Variants in AHNAK observed in about 807,000 individuals in gnomAD.
AHNAK encodes AHNAK nucleoprotein.
Under a neutral mutation model 37.8 loss-of-function variants are expected in AHNAK, and 23 were observed. The observed-to-expected ratio is 0.61, with a 90% confidence interval of 0.44 to 0.86. AHNAK has a LOEUF of 0.86. AHNAK is among the 40% of genes least tolerant of loss of function. The pLI is 0.00. For missense variants in AHNAK, 7,411 were observed against 7,319.4 expected (o/e 1.01, Z -0.46); for synonymous variants, 2,481 against 2,636.3 (o/e 0.94, Z 1.80).
At position 62,529,108 on chromosome 11, in the gene AHNAK, T is replaced by C. The variant is rs534784069; in HGVS notation, c.5309A>G (p.Lys1770Arg). Residue 1770 changes from lysine to arginine, a missense_variant, in exon 5 of 5, where the codon AAG becomes AGG. Physicochemically the swap from Lys to Arg is conservative, Grantham distance 26. Coordinates refer to ENST00000378024, the MANE Select transcript of AHNAK (RefSeq NM_001620.3). ...AGCTTTTATATTCAACTTGGGCATC[T>C]TAAATTTGGAGCCTTTCAACTTTCC... Reference protein sequence around the residue: ...PEGKLKGSKFKMPKLNIKAPK... With the variant: ...PEGKLKGSKFRMPKLNIKAPK... 2.0e-5 allele frequency: 32 copies of C among 1,614,120 alleles called. 1 individual carries two copies. The highest frequency in any genetic ancestry group is 3.3e-4 in the Middle Eastern group (2 of 6,062).
At chr11:62,433,793 G>T in exon 6 of AHNAK, 1 of 1,567,362 alleles carries the variant, frequency 6.4e-7, no homozygotes, top group Non-Finnish European at 8.8e-7. Flanking sequence ...CCTTGGCACA[G>T]CAATATGTAA....
intron 5 of AHNAK, among the ~76,000 whole-genome samples, chr11:62,444,921 T>C (rs1372860535): frequency 6.6e-6 from 1 of 152,214 alleles, no homozygotes; most frequent in African/African-American, 2.4e-5. Context: ...ACCGATCTGA[T>C]GGAAGCAGCT....
At chr11:62,505,244 C>T (rs983860964) in intron 4 of AHNAK, among the ~76,000 whole-genome samples, 2 of 152,154 alleles carry the variant, frequency 1.3e-5, no homozygotes, top group African/African-American at 4.8e-5. Flanking sequence ...CTGTGTCCCA[C>T]GCCTCCAACC....
Position 62,536,059 on chromosome 11 carries a change from TG to T in AHNAK, c.39del (p.Asn14ThrfsTer10). Reference sequence around the variant, plus strand: ...CCGTGGGAGCCACTACCCTGCCAGTTGGGCAGCAGCAGCTCCCGGGTTGTCT... The same window carrying T: ...CCGTGGGAGCCACTACCCTGCCAGTTGGCAGCAGCAGCTCCCGGGTTGTCT... The part of the protein sequence containing the change: ...KEETTRELLL[P>X]NWQGSGSHGL... On this transcript the variant is annotated frameshift_variant, in exon 3 of 5. Coordinates refer to ENST00000378024, the MANE Select transcript of AHNAK (RefSeq NM_001620.3). LOFTEE classifies it high-confidence loss of function. 6.2e-7 allele frequency: 1 copy of T among 1,606,554 alleles called. No individual in the cohort carries two copies. Among genetic ancestry groups the T allele is most frequent in the Non-Finnish European group, 8.5e-7 (1 of 1,175,910 alleles).
chr11:62,531,878 T>C lies in AHNAK; in HGVS notation c.2539A>G (p.Ile847Val), dbSNP rs1940764130. ...DVTMPKVESEIKVPDVELKSA... is the reference protein window; with the variant it reads ...DVTMPKVESEVKVPDVELKSA... ...TTAAGTTCAACATCAGGAACTTTAA[T>C]CTCACTTTCAACCTTTGGCATTGTG... is the stretch of plus-strand genomic sequence containing the variant. Residue 847 changes from isoleucine to valine, a missense_variant, in exon 5 of 5, where the codon ATT (isoleucine) becomes GTT (valine). By Grantham distance (29) the Ile-to-Val change is conservative (BLOSUM62 3). Coordinates refer to ENST00000378024, the MANE Select transcript of AHNAK (RefSeq NM_001620.3). 3.7e-6 allele frequency: 6 copies of C among 1,613,172 alleles called. No individual in the cohort carries two copies. The highest frequency in any genetic ancestry group is 5.1e-6 in the Non-Finnish European group (6 of 1,179,882).
Position 62,526,680 on chromosome 11 carries a change from G to A in AHNAK, c.7737C>T (p.Ile2579=). The part of the protein sequence containing the change: ...MPEMNIKAPK[I]SMPDFDLHLK... ...GATGCAAATCAAAGTCAGGCATGGA[G>A]ATCTTGGGGGCTTTGATGTTCATCT... Residue 2579 remains isoleucine (I), a synonymous_variant, in exon 5 of 5, where the codon ATC becomes ATT. Coordinates refer to ENST00000378024, the MANE Select transcript of AHNAK (RefSeq NM_001620.3). 6.2e-7 allele frequency: 1 copy of A among 1,612,244 alleles called. No homozygotes were observed. The highest frequency in any genetic ancestry group is 2.2e-5 in the East Asian group (1 of 44,760).
Position 62,524,617 on chromosome 11 carries a change from A to C in AHNAK, c.9800T>G (p.Ile3267Ser). The C allele has an allele frequency of 3.1e-6, 5 of 1,614,182 alleles. No homozygotes were observed. Among genetic ancestry groups the C allele is most frequent in the Non-Finnish European group, 4.2e-6 (5 of 1,180,028 alleles). ...GPKIDVDAPD[I>S]DIHGPDAKLK... ...TTTGGCATCTGGGCCATGAATGTCA[A>C]TATCTGGAGCATCTACATCTATCTT... is the stretch of plus-strand genomic sequence containing the variant. The change falls in exon 5 of 5, where the codon ATT becomes AGT. Residue 3267 changes from isoleucine to serine, a missense_variant. By Grantham distance (142) the Ile-to-Ser change is moderately radical. Transcript: ENST00000378024.
At chr11:62,495,831 T>A (rs567875613) in intron 4 of AHNAK, among the ~76,000 whole-genome samples, 1 of 150,634 alleles carries the variant, frequency 6.6e-6, no homozygotes, top group East Asian at 2.0e-4. Context: ...GTTGAATTAT[T>A]TGAGGCCAGA....
chr11:62,513,225 A>T (rs955397224), downstream of AHNAK, among the ~76,000 whole-genome samples: 8 of 152,140 alleles, frequency 5.3e-5, no homozygotes, highest in African/African-American at 1.9e-4. Flanking sequence ...AGACCTTGCA[A>T]GGCTGGTTCC....
chr11:62,449,568 C>T (rs1938490351), intron 5 of AHNAK, among the ~76,000 whole-genome samples: 1 of 152,118 alleles, frequency 6.6e-6, no homozygotes, highest in Admixed American at 6.6e-5. Context: ...GGTAGTGCAC[C>T]CTATTCTTCA....
Position 62,531,546 on chromosome 11 carries a change from A to G in AHNAK, c.2871T>C (p.Gly957=). ...SMPDVDLHMK[G]PKVKGEYDMT... is the part of the protein sequence containing the mutation. Reference sequence around the variant, plus strand: ...TATCATATTCTCCCTTTACTTTAGGACCTTTCATATGCAAGTCCACATCAG... The same window carrying G: ...TATCATATTCTCCCTTTACTTTAGGGCCTTTCATATGCAAGTCCACATCAG... Residue 957 remains glycine, a synonymous_variant, in exon 5 of 5, where the codon GGT becomes GGC. Transcript: ENST00000378024. The G allele has an allele frequency of 6.2e-7, 1 of 1,613,876 alleles. No homozygotes were observed. The highest frequency in any genetic ancestry group is 8.5e-7 in the Non-Finnish European group (1 of 1,179,954).
intron 5 of AHNAK, chr11:62,491,707 T>G (rs1358131532): frequency 6.3e-7 from 1 of 1,583,690 alleles, no homozygotes. Flanking sequence ...GTCATCCGTC[T>G]TTCAGTCCCC....
chr11:62,529,202 C>T lies in AHNAK; in HGVS notation c.5215G>A (p.Ala1739Thr), dbSNP rs1940630077. The change falls in exon 5 of 5, where the codon GCT becomes ACT. Residue 1739 changes from alanine (A) to threonine (T), a missense_variant. Coordinates refer to ENST00000378024, the MANE Select transcript of AHNAK (RefSeq NM_001620.3). ...GPEVDVNLPK[A>T]DIDVSGPSVD... ...CTGGGTCCAGACACATCAATGTCAG[C>T]CTTTGGCAGATTCACATCCACTTCA... The T allele has an allele frequency of 3.1e-6, 5 of 1,614,060 alleles. No individual in the cohort carries two copies. Among genetic ancestry groups the T allele is most frequent in the Non-Finnish European group, 8.5e-7 (1 of 1,180,032 alleles).
At chr11:62,504,512 A>G (rs901279203) in intron 4 of AHNAK, among the ~76,000 whole-genome samples, 8 of 152,072 alleles carry the variant, frequency 5.3e-5, no homozygotes, top group African/African-American at 1.7e-4. Flanking sequence ...CGAACTTGCA[A>G]TCTTACAAAT....
At chr11:62,438,465 C>G (rs1013740640) in intron 5 of AHNAK, among the ~76,000 whole-genome samples, 6 of 152,126 alleles carry the variant, frequency 3.9e-5, no homozygotes, top group Non-Finnish European at 7.4e-5. Context: ...CAGGCATGAG[C>G]CATCGCACCT....
At chr11:62,468,027 G>A (rs763618107) in intron 5 of AHNAK, among the ~76,000 whole-genome samples, 53 of 152,020 alleles carry the variant, frequency 3.5e-4, no homozygotes, top group Non-Finnish European at 1.2e-4. Flanking sequence ...CTTCCATTGA[G>A]GGATGATGAT....
At chr11:62,460,221 A>C (rs1938754503) in intron 5 of AHNAK, among the ~76,000 whole-genome samples, 1 of 152,270 alleles carries the variant, frequency 6.6e-6, no homozygotes, top group Admixed American at 6.5e-5. Context: ...GGGGAGGCAG[A>C]GGTTGCAGTG....
intron 5 of AHNAK, among the ~76,000 whole-genome samples, chr11:62,461,950 G>A (rs1938799924): frequency 6.6e-6 from 1 of 152,172 alleles, no homozygotes; most frequent in South Asian, 2.1e-4. Flanking sequence ...AATCCTTGGG[G>A]AATAAATGAG....
chr11:62,433,704 C>T (rs555413589), exon 6 of AHNAK: 6 of 746,562 alleles, frequency 8.0e-6, no homozygotes, highest in Non-Finnish European at 1.3e-5. Context: ...CTCGGTCTGG[C>T]CTGGCTGGAG....
Sources: allele counts gnomAD v4.1 joint callset (sites outside exome capture counted in the v4.1 genomes callset), GRCh38; gene constraint gnomAD v4.1.1; transcripts MANE v1.5; gene names NCBI Gene and HGNC (gene_info 2026-07-23, HGNC 2026-07-21).